The following NPIPB2 variants were observed in gnomAD, a reference collection of about 807,000 sequenced individuals.
NPIPB2 encodes the protein nuclear pore complex interacting protein family member B2.
Under a neutral mutation model 30.8 loss-of-function variants are expected in NPIPB2, and 27 were observed. The ratio of observed to expected loss-of-function variants is 0.88; its 90% CI spans 0.65 to 1.21. The LOEUF (loss-of-function observed/expected upper bound fraction) is 1.21, where lower values mean the gene tolerates loss of function less well. Ranked by LOEUF, NPIPB2 falls within the 50% of genes most tolerant of loss-of-function variation. The pLI is 0.00. For synonymous variants in NPIPB2, 147 were observed against 162.0 expected (o/e 0.91, Z 0.70); for missense variants, 440 against 446.2 (o/e 0.99, Z 0.13).
intron 1 of NPIPB2, among the ~76,000 whole-genome samples, chr16:11,972,202 G>A (rs149523911): frequency 4.2e-4 from 64 of 152,238 alleles, no homozygotes; most frequent in African/African-American, 1.5e-3. Flanking sequence ...AAGGGATTGT[G>A]GAGACCGTAG....
In NPIPB2 at chr16:11,940,604, G is replaced by T. The variant is rs1286754576; in HGVS notation, c.63+1379C>A. On this transcript the variant is annotated intron_variant, in intron 1 of 7. Transcript: ENST00000399147. ...ATACAAAAATTAGCCAGGCGTGGTG[G>T]TCTACTAAAAATACAAAAATTAGCC... is the stretch of plus-strand genomic sequence containing the variant. Among the ~76,000 whole-genome samples, 3 of 131,432 alleles carry T rather than the reference G, an allele frequency of 2.3e-5. 1 individual carries two copies. The highest frequency in any genetic ancestry group is 9.0e-5 in the African/African-American group (3 of 33,266). The allele number at this position is 131,432 out of a possible 152,430, so 86.2% of individuals were successfully genotyped here. A position where few individuals can be genotyped will look rare whatever the true frequency, so the allele number is the denominator to read the frequency against.
chr16:11,939,559 CAAA>C (rs1186690178), intron 1 of NPIPB2, among the ~76,000 whole-genome samples: 168 of 28,968 alleles, frequency 5.8e-3, no homozygotes, highest in African/African-American at 0.018. Flanking sequence ...GACTCTGTCT[CAAA>C]AAAAAAAAAA....
intron 1 of NPIPB2, among the ~76,000 whole-genome samples, chr16:11,961,555 G>A (rs1381925775): frequency 1.3e-5 from 2 of 151,714 alleles, no homozygotes; most frequent in East Asian, 1.9e-4. Context: ...CGAGGCGGGC[G>A]AATCACTTGA....
intron 1 of NPIPB2, among the ~76,000 whole-genome samples, chr16:11,966,562 CT>C (rs1158401828): frequency 6.6e-6 from 1 of 152,218 alleles, no homozygotes; most frequent in African/African-American, 2.4e-5. Context: ...CTCCAGGATT[CT>C]TCCACTGTTA....
At chr16:11,946,649 G>A (rs1469350994), upstream of NPIPB2, among the ~76,000 whole-genome samples, 3 of 152,048 alleles carry the variant, frequency 2.0e-5, no homozygotes, top group Non-Finnish European at 4.4e-5. Context: ...AATAATAAGT[G>A]GTGAGGCTAT....
chr16:11,960,880 T>C (rs1462719733), intron 1 of NPIPB2, among the ~76,000 whole-genome samples: 1 of 151,790 alleles, frequency 6.6e-6, no homozygotes, highest in Non-Finnish European at 1.5e-5. Flanking sequence ...TTCTTTTTTT[T>C]TTTTGAGACA....
chr16:11,957,950 T>C (rs572224048), intron 1 of NPIPB2, among the ~76,000 whole-genome samples: 6 of 152,312 alleles, frequency 3.9e-5, no homozygotes, highest in Admixed American at 2.0e-4. Flanking sequence ...ATTCTACTGA[T>C]ACTTAGATAT....
At chr16:11,961,275 G>A (rs1490110620) in intron 1 of NPIPB2, among the ~76,000 whole-genome samples, 2 of 152,100 alleles carry the variant, frequency 1.3e-5, no homozygotes, top group East Asian at 1.9e-4. Flanking sequence ...GGAGCCTCCT[G>A]GGCCAGCTGC....
At chr16:11,970,896 C>T (rs1339363075) in intron 1 of NPIPB2, among the ~76,000 whole-genome samples, 1 of 148,858 alleles carries the variant, frequency 6.7e-6, no homozygotes, top group Admixed American at 6.8e-5. Flanking sequence ...ACTCCAATGC[C>T]CAGGCTGAGT....
At chr16:11,953,439 TTC>T (rs1476014693) in intron 1 of NPIPB2, among the ~76,000 whole-genome samples, 1,100 of 105,584 alleles carry the variant, frequency 0.01, 14 homozygotes, top group African/African-American at 0.079. Flanking sequence ...GCCTCCCAGG[TTC>T]CCAGGTTCAA....
At chr16:11,941,810 A>G in intron 1 of NPIPB2, 173 bp downstream of exon 1, 2 of 1,274,586 alleles carry the variant, frequency 1.6e-6, no homozygotes, top group Non-Finnish European at 2.2e-6. Context: ...CCTCCCAAGG[A>G]CAGGTCCTCT....
chr16:11,949,401 G>A (rs2055043430), intron 1 of NPIPB2, among the ~76,000 whole-genome samples: 1 of 152,172 alleles, frequency 6.6e-6, no homozygotes, highest in Non-Finnish European at 1.5e-5. Flanking sequence ...AGGCAAAGCA[G>A]ATTCCCACCC....
chr16:11,971,849 C>G (rs2055237576), intron 1 of NPIPB2, among the ~76,000 whole-genome samples: 1 of 151,934 alleles, frequency 6.6e-6, no homozygotes, highest in Non-Finnish European at 1.5e-5. Context: ...AAGTTATGGT[C>G]TAAAGATTTA....
At chr16:11,974,875 C>T (rs1056182884) in intron 1 of NPIPB2, among the ~76,000 whole-genome samples, 1 of 151,900 alleles carries the variant, frequency 6.6e-6, no homozygotes, top group African/African-American at 2.4e-5. Context: ...AGATGGAGAC[C>T]ATCCTGGCTA....
intron 2 of NPIPB2, among the ~76,000 whole-genome samples, chr16:11,936,048 T>G (rs2054862273): frequency 6.7e-6 from 1 of 149,616 alleles, no homozygotes; most frequent in Non-Finnish European, 1.5e-5. Flanking sequence ...CTCACGCTTG[T>G]AATCCCAGCA....
upstream of NPIPB2, among the ~76,000 whole-genome samples, chr16:11,944,047 AG>A (rs1238154505): frequency 1.4e-5 from 2 of 146,784 alleles, no homozygotes. Context: ...TTTATAAGAG[AG>A]GAAGATTAAC....
intron 1 of NPIPB2, chr16:11,966,321 A>C (rs762535747): frequency 1.9e-6 from 3 of 1,612,746 alleles, no homozygotes; most frequent in Non-Finnish European, 2.5e-6. Context: ...GAACCATTAA[A>C]GGACGAGTTT....
intron 1 of NPIPB2, chr16:11,966,392 T>G: frequency 6.4e-7 from 1 of 1,563,876 alleles, no homozygotes. Context: ...ATGGCTATTG[T>G]GAGTTTCAGT....
chr16:11,952,382 C>A (rs1454895110), intron 1 of NPIPB2, among the ~76,000 whole-genome samples: 2 of 151,484 alleles, frequency 1.3e-5, no homozygotes, highest in Admixed American at 1.3e-4. Flanking sequence ...AAAAAAGAAA[C>A]CCCTGGAGTC....
Sources: allele counts gnomAD v4.1 joint callset (sites outside exome capture counted in the v4.1 genomes callset), GRCh38; gene constraint gnomAD v4.1.1; transcripts MANE v1.5; gene names NCBI Gene and HGNC (gene_info 2026-07-23, HGNC 2026-07-21).